The following UBA6 variants were observed in gnomAD, a reference collection of about 807,000 sequenced individuals.
The protein encoded by UBA6 is ubiquitin-like modifier-activating enzyme 6.
UBA6 carries 87 observed loss-of-function variants against 148.3 expected under a neutral mutation model. The ratio of observed to expected loss-of-function variants is 0.59; its 90% CI spans 0.49 to 0.70. The LOEUF is 0.70. Ranked by LOEUF, UBA6 falls within the 30% of genes least tolerant of loss-of-function variation. The pLI, the probability that UBA6 is intolerant of heterozygous loss-of-function variation, is 0.00. For missense variants in UBA6, 1,186 were observed against 1,241.2 expected, an observed-to-expected ratio of 0.96 and a Z score of 0.67; for synonymous variants, 376 against 401.0, an observed-to-expected ratio of 0.94 and a Z score of 0.75.
chr4:67,632,143 A>T (rs527680890), intron 23 of UBA6, among the ~76,000 whole-genome samples: 2 of 152,278 alleles, frequency 1.3e-5, no homozygotes, highest in Middle Eastern at 6.8e-3. Flanking sequence ...CACTATTTGT[A>T]GGTTTATTGG....
chr4:67,671,342 T>C (rs1428105189), intron 7 of UBA6, among the ~76,000 whole-genome samples: 1 of 152,084 alleles, frequency 6.6e-6, no homozygotes, highest in Non-Finnish European at 1.5e-5. Context: ...TAAAATAATT[T>C]ATAATCCCAA....
intron 23 of UBA6, among the ~76,000 whole-genome samples, chr4:67,632,742 C>T (rs577575169): frequency 6.6e-6 from 1 of 152,194 alleles, no homozygotes; most frequent in East Asian, 1.9e-4. Flanking sequence ...CACATGCAGC[C>T]TCAGCTACTT....
intron 2 of UBA6, among the ~76,000 whole-genome samples, chr4:67,692,062 G>A (rs1389139486): frequency 6.6e-6 from 1 of 152,074 alleles, no homozygotes; most frequent in East Asian, 1.9e-4. Flanking sequence ...GTGGTGTTTG[G>A]TTACTTAAGT....
Position 67,644,743 on chromosome 4 carries a change from T to G in UBA6, c.1431A>C (p.Lys477Asn), listed in dbSNP as rs1225522390. 6.2e-7 allele frequency: 1 copy of G among 1,611,656 alleles called. No individual in the cohort carries two copies. Among genetic ancestry groups the G allele is most frequent in the Admixed American group, 1.7e-5 (1 of 60,000 alleles). The change falls in exon 17 of 33, where the codon AAA (lysine) becomes AAC (asparagine). Residue 477 changes from lysine (K) to asparagine (N), a missense_variant. By Grantham distance (94) the Lys-to-Asn change is moderately conservative (BLOSUM62 0). Coordinates refer to ENST00000322244, the MANE Select transcript of UBA6 (RefSeq NM_018227.6). The part of the protein sequence containing the change: ...GCGAIGCEML[K>N]NFALLGVGTS... The stretch of plus-strand genomic sequence containing the variant: ...TGCCAACACCAAGTAAAGCAAAATT[T>G]TTCAACATTTCACAGCCTATGGCTC...
chr4:67,691,510 G>C (rs1249103891), intron 2 of UBA6, among the ~76,000 whole-genome samples: 1 of 152,170 alleles, frequency 6.6e-6, no homozygotes, highest in Admixed American at 6.5e-5. Flanking sequence ...CTTTGCCTGA[G>C]CAGTTCCTCT....
chr4:67,628,402 A>G (rs1281052196), intron 27 of UBA6, among the ~76,000 whole-genome samples: 2 of 151,688 alleles, frequency 1.3e-5, no homozygotes, highest in African/African-American at 4.8e-5. Flanking sequence ...CTTTCTCTGC[A>G]CTTATTTCTG....
chr4:67,659,606 G>GT, intron 13 of UBA6, among the ~76,000 whole-genome samples: 5 of 9,856 alleles, frequency 5.1e-4, no homozygotes, highest in Admixed American at 8.3e-4. Flanking sequence ...ACCCAAAACT[G>GT]GGTATTTTAT....
chr4:67,684,426 A>G (rs949769507), intron 2 of UBA6, among the ~76,000 whole-genome samples: 2 of 149,234 alleles, frequency 1.3e-5, no homozygotes, highest in Non-Finnish European at 3.0e-5. Flanking sequence ...TTTAATTATG[A>G]TTCTTTTTTT....
chr4:67,670,433 C>A, intron 8 of UBA6, 37 bp downstream of exon 8: 1 of 1,530,210 alleles, frequency 6.5e-7, no homozygotes, highest in Admixed American at 1.8e-5. Flanking sequence ...TCAACTTTAA[C>A]AAAATTTATT....
intron 2 of UBA6, among the ~76,000 whole-genome samples, chr4:67,693,203 A>G (rs1310867206): frequency 6.6e-6 from 1 of 152,122 alleles, no homozygotes; most frequent in Admixed American, 6.6e-5. Flanking sequence ...CTCAACATGA[A>G]GACAACAAAG....
intron 13 of UBA6, among the ~76,000 whole-genome samples, chr4:67,651,779 T>C (rs1159969525): frequency 6.6e-6 from 1 of 151,966 alleles, no homozygotes; most frequent in Non-Finnish European, 1.5e-5. Context: ...GAAATAGACC[T>C]ACATATATAT....
chr4:67,634,373 T>A lies in UBA6; in HGVS notation c.1933-51A>T, dbSNP rs753375743. 5.8e-6 allele frequency: 9 copies of A among 1,557,406 alleles called. No individual in the cohort carries two copies. The East Asian group carries it at 1.8e-4, about 31-fold the overall frequency. On this transcript the variant is annotated intron_variant, in intron 21 of 32. Transcript: ENST00000322244. ...ATTACAAATAGAAGTCTGTTTAAAG[T>A]CAGAAATATCTTCTTTCTCACTTCA...
intron 12 of UBA6, 24 bp from the exon 13 acceptor site, chr4:67,662,279 T>C: frequency 6.2e-7 from 1 of 1,603,702 alleles, no homozygotes; most frequent in Non-Finnish European, 8.5e-7. Flanking sequence ...CAGAACACCC[T>C]AACTTTAATT....
intron 13 of UBA6, 27 bp downstream of exon 13, chr4:67,662,162 C>CG: frequency 6.2e-7 from 1 of 1,603,522 alleles, no homozygotes; most frequent in Non-Finnish European, 8.5e-7. Flanking sequence ...AACAAATATT[C>CG]GGACAGCCAT....
At position 67,663,891 on chromosome 4, in the gene UBA6, G is replaced by T. The variant is rs1314455020; in HGVS notation, c.954C>A (p.Asn318Lys). ...CTGCAAAGTGTTTATTTACCTCAGG[G>T]TTGCTAAAATCCACAATAAGGCACT... ...HPKCLIVDFSNPEAPLEIHTA... is the reference protein window; with the variant it reads ...HPKCLIVDFSKPEAPLEIHTA... The change falls in exon 11 of 33, where the codon AAC (asparagine) becomes AAA (lysine). Residue 318 changes from asparagine to lysine, a missense_variant. Physicochemically the swap from Asn to Lys is moderately conservative, Grantham distance 94 (BLOSUM62 0). Coordinates refer to ENST00000322244, the MANE Select transcript of UBA6 (RefSeq NM_018227.6). The T allele has an allele frequency of 2.5e-6, 4 of 1,613,126 alleles. No homozygotes were observed. The highest frequency in any genetic ancestry group is 3.4e-6 in the Non-Finnish European group (4 of 1,179,514).
chr4:67,664,014 C>T lies in UBA6; in HGVS notation c.898-67G>A. The T allele has an allele frequency of 4.0e-6, 5 of 1,265,124 alleles. No homozygotes were observed. In the South Asian group the frequency reaches 6.7e-5, roughly 17 times the overall value. The allele number at this position is 1,265,124 out of a possible 1,614,324, so 78.4% of individuals were successfully genotyped here. On this transcript the variant is annotated intron_variant, in intron 10 of 32. Coordinates refer to ENST00000322244, the MANE Select transcript of UBA6 (RefSeq NM_018227.6). ...GATTATTTGACAAAATATACTGTTA[C>T]ATGTCAGTGCGCTAAAAACTAGGGA... is the stretch of plus-strand genomic sequence containing the variant.
rs1187718642 is a variant in UBA6 at position 67,623,134 on chromosome 4, C to T, written c.2928+1G>A. Reference sequence around the variant, plus strand: ...GAACTAAATGAACAAAAGTATCTCACTTTGACTGCATTTATGAAATCCAAG... The same window carrying T: ...GAACTAAATGAACAAAAGTATCTCATTTTGACTGCATTTATGAAATCCAAG... On this transcript the variant is annotated splice_donor_variant, in intron 31 of 32. Coordinates refer to ENST00000322244, the MANE Select transcript of UBA6 (RefSeq NM_018227.6). LOFTEE classifies it high-confidence loss of function. 6.2e-7 allele frequency: 1 copy of T among 1,608,700 alleles called. No individual in the cohort carries two copies. The highest frequency in any genetic ancestry group is 8.5e-7 in the Non-Finnish European group (1 of 1,176,238).
In UBA6 at chr4:67,629,016, G is replaced by A. The variant is rs1269476528; in HGVS notation, c.2400+55C>T. ...ATTCTCCAGGTTTAGAATGGGACTT[G>A]GTACAAGTCCAAATTCCCAAACTAT... On this transcript the variant is annotated intron_variant, in intron 27 of 32. Transcript: ENST00000322244. 4.1e-6 allele frequency: 5 copies of A among 1,232,376 alleles called. No individual in the cohort carries two copies. The East Asian group carries it at 1.2e-4, about 29-fold the overall frequency. The allele number at this position is 1,232,376 out of a possible 1,614,324, so 76.3% of individuals were successfully genotyped here.
At chr4:67,648,312 CAA>C (rs1376502349) in intron 14 of UBA6, among the ~76,000 whole-genome samples, 1 of 150,844 alleles carries the variant, frequency 6.6e-6, no homozygotes, top group East Asian at 2.0e-4. Context: ...ACTAAAAACA[CAA>C]AAAGTTAGCC....
Sources: allele counts gnomAD v4.1 joint callset (sites outside exome capture counted in the v4.1 genomes callset), GRCh38; gene constraint gnomAD v4.1.1; transcripts MANE v1.5; gene names NCBI Gene and HGNC (gene_info 2026-07-23, HGNC 2026-07-21).